Variants in ITPK1 observed in about 807,000 individuals in gnomAD.
ITPK1 encodes the protein inositol-tetrakisphosphate 1-kinase, also known as inositol 1,3,4-trisphosphate 5/6-kinase.
A neutral mutation model predicts 45.3 loss-of-function variants in ITPK1; 21 were observed. The observed-to-expected ratio is 0.46, with a 90% confidence interval of 0.33 to 0.67. The LOEUF (loss-of-function observed/expected upper bound fraction) is 0.67, where lower values mean the gene tolerates loss of function less well. ITPK1 is among the 30% of genes least tolerant of loss of function. The pLI, the probability that ITPK1 is intolerant of heterozygous loss-of-function variation, is 0.02. For missense variants in ITPK1, 474 were observed against 573.5 expected (o/e 0.83, Z 1.77); for synonymous variants, 258 against 253.6 (o/e 1.02, Z -0.16).
intron 3 of ITPK1, among the ~76,000 whole-genome samples, chr14:93,075,826 C>T (rs1891198600): frequency 6.6e-6 from 1 of 151,896 alleles, no homozygotes; most frequent in Admixed American, 6.6e-5. Context: ...GCCCGTAAGA[C>T]AAGGAGATGG....
chr14:93,057,731 G>C (rs1890267934), intron 3 of ITPK1, among the ~76,000 whole-genome samples: 1 of 152,156 alleles, frequency 6.6e-6, no homozygotes, highest in African/African-American at 2.4e-5. Flanking sequence ...GTCTCCTGCG[G>C]CCCCAGCCTG....
intron 5 of ITPK1, among the ~76,000 whole-genome samples, chr14:92,981,796 G>A (rs1050560517): frequency 1.3e-5 from 2 of 152,266 alleles, no homozygotes; most frequent in Non-Finnish European, 2.9e-5. Flanking sequence ...GATGAGGGCA[G>A]CAAAGGGTCT....
intron 2 of ITPK1, among the ~76,000 whole-genome samples, chr14:93,099,040 G>A (rs1339642872): frequency 2.6e-5 from 4 of 152,156 alleles, no homozygotes; most frequent in Non-Finnish European, 4.4e-5. Context: ...CGGAACTGGG[G>A]CCCTGATATA....
intron 4 of ITPK1, among the ~76,000 whole-genome samples, chr14:93,003,270 G>A (rs1474923441): frequency 6.6e-6 from 1 of 152,204 alleles, no homozygotes; most frequent in Non-Finnish European, 1.5e-5. Flanking sequence ...GCCAGGCCAA[G>A]CAATGCTTTC....
At chr14:92,956,971 G>A (rs1884768687) in intron 8 of ITPK1, among the ~76,000 whole-genome samples, 1 of 152,206 alleles carries the variant, frequency 6.6e-6, no homozygotes, top group African/African-American at 2.4e-5. Flanking sequence ...GCCCAGCTAG[G>A]AAGGCCACCT....
chr14:93,015,562 T>A (rs1888134445), intron 4 of ITPK1, among the ~76,000 whole-genome samples: 1 of 152,226 alleles, frequency 6.6e-6, no homozygotes, highest in South Asian at 2.1e-4. Flanking sequence ...TCCAGTCCGA[T>A]CAAGGAGACA....
chr14:92,983,904 T>C (rs1053549479), intron 5 of ITPK1, among the ~76,000 whole-genome samples: 2 of 152,024 alleles, frequency 1.3e-5, no homozygotes, highest in African/African-American at 4.8e-5. Flanking sequence ...ATGGAAATAT[T>C]ATGCTGCCAG....
chr14:93,024,499 T>C (rs1888633955), intron 3 of ITPK1, among the ~76,000 whole-genome samples: 1 of 152,204 alleles, frequency 6.6e-6, no homozygotes, highest in African/African-American at 2.4e-5. Flanking sequence ...GAGCTGACCA[T>C]GCTGTACAGG....
At chr14:92,986,042 C>G (rs373500350) in intron 5 of ITPK1, among the ~76,000 whole-genome samples, 11 of 152,318 alleles carry the variant, frequency 7.2e-5, no homozygotes, top group African/African-American at 2.6e-4. Context: ...AAGACCCCTG[C>G]AGAGATGTGG....
intron 2 of ITPK1, among the ~76,000 whole-genome samples, chr14:93,103,676 T>C (rs936779945): frequency 6.6e-6 from 1 of 152,152 alleles, no homozygotes; most frequent in East Asian, 1.9e-4. Flanking sequence ...GGGTGTTTTT[T>C]AAAAAGAAGA....
intron 8 of ITPK1, among the ~76,000 whole-genome samples, chr14:92,955,783 C>A (rs1213254523): frequency 6.6e-6 from 1 of 152,238 alleles, no homozygotes; most frequent in Non-Finnish European, 1.5e-5. Flanking sequence ...GAACCCCCAT[C>A]CCTGCGTGGC....
At chr14:92,991,243 T>C (rs1886772709) in intron 5 of ITPK1, among the ~76,000 whole-genome samples, 1 of 151,802 alleles carries the variant, frequency 6.6e-6, no homozygotes, top group South Asian at 2.1e-4. Context: ...CCTCTGCAGC[T>C]GGTGGGGGCA....
intron 5 of ITPK1, among the ~76,000 whole-genome samples, chr14:92,980,858 C>A (rs776125615): frequency 3.6e-4 from 55 of 152,164 alleles, no homozygotes; most frequent in African/African-American, 1.1e-3. Context: ...CAGGCACGTG[C>A]CACCATGCCC....
At chr14:92,960,350 C>T (rs1885004708) in intron 7 of ITPK1, among the ~76,000 whole-genome samples, 1 of 152,192 alleles carries the variant, frequency 6.6e-6, no homozygotes, top group Admixed American at 6.5e-5. Flanking sequence ...AACCCCCATC[C>T]CCTTCAGCAA....
intron 2 of ITPK1, among the ~76,000 whole-genome samples, chr14:93,103,760 G>A (rs1892415210): frequency 6.6e-6 from 1 of 152,170 alleles, no homozygotes; most frequent in Non-Finnish European, 1.5e-5. Context: ...AGTACCCCAG[G>A]GTGGAGACCG....
At chr14:93,019,097 A>G (rs1001994036) in intron 3 of ITPK1, among the ~76,000 whole-genome samples, 2 of 152,196 alleles carry the variant, frequency 1.3e-5, no homozygotes, top group South Asian at 4.1e-4. Flanking sequence ...AGAGCCAAAC[A>G]CCAACCCATT....
chr14:93,076,499 G>C lies in ITPK1; in HGVS notation c.120+96C>G. Reference sequence around the variant, plus strand: ...AAGCTGCACGTGAAGAAGAGAGAAAGCCGTGCCCAATGCTGGAGGAGAGAA... The same window carrying C: ...AAGCTGCACGTGAAGAAGAGAGAAACCCGTGCCCAATGCTGGAGGAGAGAA... On this transcript the variant is annotated intron_variant, in intron 3 of 10. Transcript: ENST00000267615. The surrounding 1 kb of genome is among the most constrained non-coding windows in gnomAD (Gnocchi z 4.3). The C allele has an allele frequency of 1.5e-6, 2 of 1,369,266 alleles. No homozygotes were observed. Among genetic ancestry groups the C allele is most frequent in the South Asian group, 2.3e-5 (2 of 85,378 alleles). The allele number at this position is 1,369,266 out of a possible 1,614,324, so 84.8% of individuals were successfully genotyped here.
intron 3 of ITPK1, among the ~76,000 whole-genome samples, chr14:93,022,673 A>G (rs893250156): frequency 6.6e-6 from 1 of 152,044 alleles, no homozygotes; most frequent in African/African-American, 2.4e-5. Context: ...CACCACACCC[A>G]GCTAATTTTT....
chr14:93,083,330 C>G (rs547739608), intron 2 of ITPK1, among the ~76,000 whole-genome samples: 2 of 152,090 alleles, frequency 1.3e-5, no homozygotes, highest in Non-Finnish European at 2.9e-5. Flanking sequence ...GCTGCTGAGC[C>G]GCTCGGGGTC....
Sources: gnomAD v4.1 joint callset for allele counts (sites outside exome capture counted in the v4.1 genomes callset) on GRCh38, gnomAD v4.1.1 for gene constraint, Gnocchi (gnomAD v3.1) non-coding constraint, MANE v1.5 for transcripts, NCBI Gene and HGNC (gene_info 2026-07-23, HGNC 2026-07-21) for gene names.